The following IMMP1L variants were observed in gnomAD, a reference collection of about 807,000 sequenced individuals.
The protein encoded by IMMP1L is mitochondrial inner membrane protease subunit 1.
Under a neutral mutation model 21.8 loss-of-function variants are expected in IMMP1L, and 24 were observed. The ratio of observed to expected loss-of-function variants is 1.10; its 90% CI spans 0.80 to 1.55. The LOEUF is 1.55. Ranked by LOEUF, IMMP1L falls within the 40% of genes most tolerant of loss-of-function variation. The pLI, the probability that IMMP1L is intolerant of heterozygous loss-of-function variation, is 0.00. For missense variants in IMMP1L, 195 were observed against 200.7 expected (o/e 0.97, Z 0.17); for synonymous variants, 46 against 62.8 (o/e 0.73, Z 1.26).
chr11:31,499,079 C>A (rs1021752875), intron 1 of IMMP1L, among the ~76,000 whole-genome samples: 1 of 151,936 alleles, frequency 6.6e-6, no homozygotes, highest in African/African-American at 2.4e-5. Flanking sequence ...AAAAACTACA[C>A]GGAGGGCCGG....
rs72889944 is a variant in IMMP1L, at chr11:31,484,598, G to T, written c.-29-21293C>A. 2.2e-4 allele frequency among the ~76,000 whole-genome samples: 33 copies of T among 151,856 alleles called. 1 individual carries two copies. In the South Asian group the frequency reaches 6.0e-3, roughly 28 times the overall value. On this transcript the variant is annotated intron_variant, in intron 1 of 5. Transcript: ENST00000532287. ...AAAACTCCTATACATATGTTATTTTGTAAGTACACACAAGAATTTCTGTAA... is the reference window on the plus strand; with the variant it reads ...AAAACTCCTATACATATGTTATTTTTTAAGTACACACAAGAATTTCTGTAA...
At chr11:31,438,795 G>C (rs1591941881) in intron 4 of IMMP1L, among the ~76,000 whole-genome samples, 1 of 151,748 alleles carries the variant, frequency 6.6e-6, no homozygotes, top group Non-Finnish European at 1.5e-5. Flanking sequence ...TCTTATTCTT[G>C]AAGTTGTTAC....
rs113061071 is a variant in IMMP1L at position 31,488,997 on chromosome 11, C to T, written c.-30+20522G>A. Among the ~76,000 whole-genome samples, 594 of 151,978 alleles carry T rather than the reference C, an allele frequency of 3.9e-3. 6 individuals carry two copies. Among genetic ancestry groups the T allele is most frequent in the African/African-American group, 0.014 (565 of 41,448 alleles). ...CTGCAAGCTCCACCTCCCGGGTTCA[C>T]GCCATTCTCCCGCCTCAGCCTCCCG... On this transcript the variant is annotated intron_variant, in intron 1 of 5. Coordinates refer to ENST00000532287, the MANE Select transcript of IMMP1L (RefSeq NM_001304274.2).
rs559572015 is a variant in IMMP1L at position 31,506,223 on chromosome 11, T to C, written c.-30+3296A>G. Reference sequence around the variant, plus strand: ...TTAATTAAGAACGCACCTAAACATATAACTTTTTTTTTTTTTTTTTTTGAG... The same window carrying C: ...TTAATTAAGAACGCACCTAAACATACAACTTTTTTTTTTTTTTTTTTTGAG... On this transcript the variant is annotated intron_variant, in intron 1 of 5. Transcript: ENST00000532287. Among the ~76,000 whole-genome samples, 7 of 148,194 alleles carry C rather than the reference T, an allele frequency of 4.7e-5. No individual in the cohort carries two copies. In the East Asian group the frequency reaches 1.4e-3, roughly 30 times the overall value.
chr11:31,459,206 T>A (rs1457158957), intron 3 of IMMP1L, among the ~76,000 whole-genome samples: 1 of 152,236 alleles, frequency 6.6e-6, no homozygotes, highest in Non-Finnish European at 1.5e-5. Flanking sequence ...CCATACAGGT[T>A]GACCAAGAGA....
At chr11:31,490,493 T>C (rs1283869793) in intron 1 of IMMP1L, among the ~76,000 whole-genome samples, 1 of 151,466 alleles carries the variant, frequency 6.6e-6, no homozygotes, top group African/African-American at 2.4e-5. Context: ...AAGCAGTTCA[T>C]TAAATAACCC....
At chr11:31,458,240 C>T (rs1007402504) in intron 3 of IMMP1L, among the ~76,000 whole-genome samples, 1 of 151,994 alleles carries the variant, frequency 6.6e-6, no homozygotes, top group South Asian at 2.1e-4. Context: ...AAATACATAT[C>T]GGCTGGATTC....
At chr11:31,475,204 C>G (rs1315122435) in intron 1 of IMMP1L, among the ~76,000 whole-genome samples, 1 of 152,066 alleles carries the variant, frequency 6.6e-6, no homozygotes, top group Non-Finnish European at 1.5e-5. Flanking sequence ...TGAAACTCAC[C>G]TTATGTTTAT....
intron 1 of IMMP1L, chr11:31,473,924 A>G (rs1197101546): frequency 1.1e-5 from 2 of 174,038 alleles, no homozygotes; most frequent in African/African-American, 4.8e-5. Context: ...CATTCATTCT[A>G]AAGTATAAGC....
chr11:31,433,307 CATATGGCTATTAAGTTA>C lies in IMMP1L; in HGVS notation c.432+136_432+152del, dbSNP rs1416882731. Among the ~76,000 whole-genome samples the C allele has an allele frequency of 7.2e-5, 11 of 152,228 alleles. No individual in the cohort carries two copies. In the East Asian group the frequency reaches 2.1e-3, roughly 29 times the overall value. ...CAGGGGCAATGGGGGAATAGGTTTG[CATATGGCTATTAAGTTA>C]AGGCCAACAGGTTCAAAAAATATAT... is the stretch of plus-strand genomic sequence containing the variant. On this transcript the variant is annotated intron_variant, in intron 5 of 5. Coordinates refer to ENST00000532287, the MANE Select transcript of IMMP1L (RefSeq NM_001304274.2).
chr11:31,453,098 A>C (rs753766720), intron 4 of IMMP1L: 8 of 1,289,318 alleles, frequency 6.2e-6, no homozygotes, highest in Non-Finnish European at 8.1e-6. Context: ...AATACCTAAC[A>C]GTAAAAAATA....
At chr11:31,466,829 G>A (rs1265132168) in intron 1 of IMMP1L, among the ~76,000 whole-genome samples, 1 of 152,030 alleles carries the variant, frequency 6.6e-6, no homozygotes, top group East Asian at 1.9e-4. Context: ...GGAGGAATAA[G>A]TTACTGCCTT....
chr11:31,486,276 A>G (rs1432091149), intron 1 of IMMP1L, among the ~76,000 whole-genome samples: 2 of 151,862 alleles, frequency 1.3e-5, no homozygotes, highest in Non-Finnish European at 2.9e-5. Context: ...TCTAGCTCCA[A>G]TTTGCTAAAT....
At chr11:31,439,808 T>C (rs1449176087) in intron 4 of IMMP1L, among the ~76,000 whole-genome samples, 1 of 152,192 alleles carries the variant, frequency 6.6e-6, no homozygotes, top group African/African-American at 2.4e-5. Flanking sequence ...ACCACTAAGA[T>C]TTGATTTTTC....
intron 4 of IMMP1L, chr11:31,452,213 C>T: frequency 1.0e-6 from 1 of 984,058 alleles, no homozygotes; most frequent in Non-Finnish European, 1.2e-6. Context: ...GCAGATTTTA[C>T]AACATGTTTG....
intron 4 of IMMP1L, among the ~76,000 whole-genome samples, chr11:31,454,994 G>A (rs189782781): frequency 7.1e-4 from 108 of 152,244 alleles, no homozygotes; most frequent in African/African-American, 2.1e-3. Context: ...TACAGTGTCC[G>A]TAGAAAAATA....
At chr11:31,483,083 A>G (rs1954955332) in intron 1 of IMMP1L, among the ~76,000 whole-genome samples, 1 of 152,042 alleles carries the variant, frequency 6.6e-6, no homozygotes, top group Admixed American at 6.6e-5. Flanking sequence ...ATAATTTTCT[A>G]TATATAATAC....
intron 1 of IMMP1L, among the ~76,000 whole-genome samples, chr11:31,485,753 G>A (rs890696706): frequency 1.3e-5 from 2 of 151,860 alleles, no homozygotes; most frequent in African/African-American, 2.4e-5. Context: ...CAGTAGCTCT[G>A]AGGACAAAAA....
intron 3 of IMMP1L, among the ~76,000 whole-genome samples, chr11:31,458,957 A>G (rs904390440): frequency 6.6e-6 from 1 of 152,224 alleles, no homozygotes; most frequent in African/African-American, 2.4e-5. Flanking sequence ...ATTATTGTGA[A>G]TAAAATTATG....
Sources: gnomAD v4.1 joint callset for allele counts (sites outside exome capture counted in the v4.1 genomes callset) on GRCh38, gnomAD v4.1.1 for gene constraint, MANE v1.5 for transcripts, NCBI Gene and HGNC (gene_info 2026-07-23, HGNC 2026-07-21) for gene names.